NUP160: variants seen among roughly 807,000 people sequenced by gnomAD.
NUP160 encodes the protein nuclear pore complex protein Nup160.
Under a neutral mutation model 196.9 loss-of-function variants are expected in NUP160, and 94 were observed. The ratio of observed to expected loss-of-function variants is 0.48; its 90% CI spans 0.40 to 0.57. The LOEUF is 0.57. Ranked by LOEUF, NUP160 falls within the 20% of genes least tolerant of loss-of-function variation. The pLI is 0.00. For synonymous variants in NUP160, 605 were observed against 619.7 expected (o/e 0.98, Z 0.35); for missense variants, 1,638 against 1,748.3 (o/e 0.94, Z 1.13).
At chr11:47,821,776 G>A in exon 9 of NUP160, 1 of 1,614,064 alleles carries the variant, frequency 6.2e-7, no homozygotes, top group Non-Finnish European at 8.5e-7. Flanking sequence ...TCATGCCACA[G>A]GGCCCAGATA....
At chr11:47,824,248 T>C (rs1016969325) in intron 7 of NUP160, among the ~76,000 whole-genome samples, 3 of 151,740 alleles carry the variant, frequency 2.0e-5, no homozygotes, top group Non-Finnish European at 2.9e-5. Context: ...TTTATTTATT[T>C]ATTCATTCAT....
At chr11:47,836,675 T>C (rs889452306) in intron 6 of NUP160, among the ~76,000 whole-genome samples, 2 of 152,104 alleles carry the variant, frequency 1.3e-5, no homozygotes, top group Non-Finnish European at 2.9e-5. Context: ...AGTGTTCCTG[T>C]TAGGTTGATA....
chr11:47,825,431 C>G (rs949467420), intron 7 of NUP160, among the ~76,000 whole-genome samples: 3 of 150,690 alleles, frequency 2.0e-5, no homozygotes, highest in Non-Finnish European at 4.4e-5. Flanking sequence ...AGGTCCCCAC[C>G]ACCATGCCCA....
chr11:47,785,141 C>G lies in NUP160; in HGVS notation c.3849-78G>C. 1.2e-5 allele frequency: 8 copies of G among 648,904 alleles called. 2 individuals are homozygous for G. 40.2% of individuals were successfully genotyped at this position (648,904 alleles called of 1,614,324 possible). On this transcript the variant is annotated intron_variant, in intron 32 of 35. Coordinates refer to ENST00000378460, the Ensembl canonical transcript of NUP160. Reference sequence around the variant, plus strand: ...GAGTACCATTCAAAGCATGTATTTACAAGGAAAACTTTTTTTTCAGACAGG... The same window carrying G: ...GAGTACCATTCAAAGCATGTATTTAGAAGGAAAACTTTTTTTTCAGACAGG...
chr11:47,806,305 A>T, exon 20 of NUP160: 1 of 1,609,326 alleles, frequency 6.2e-7, no homozygotes, highest in Non-Finnish European at 8.5e-7. Context: ...TAGTCTGAGG[A>T]CTAGATACTT....
At chr11:47,813,362 C>G (rs751100201) in exon 14 of NUP160, 3 of 1,612,174 alleles carry the variant, frequency 1.9e-6, no homozygotes, top group Non-Finnish European at 2.5e-6. Context: ...TCTCATAAGG[C>G]AGGAGATACA....
Position 47,840,424 on chromosome 11 carries a change from G to GT in NUP160, c.478dup (p.Thr160AsnfsTer15). ...GTGTGGTAAAAGTAACCTGTGCACT[G>GT]TTTGATTGGTTAACATCAAGATTAT... On this transcript the variant is annotated frameshift_variant, in exon 3 of 36. Coordinates refer to ENST00000378460, the Ensembl canonical transcript of NUP160. LOFTEE classifies it high-confidence loss of function. 1 of 1,614,124 alleles carries GT rather than the reference G, an allele frequency of 6.2e-7. No homozygotes were observed. Among genetic ancestry groups the GT allele is most frequent in the Non-Finnish European group, 8.5e-7 (1 of 1,180,000 alleles).
At chr11:47,802,895 G>C (rs2097675067) in intron 22 of NUP160, among the ~76,000 whole-genome samples, 2 of 151,994 alleles carry the variant, frequency 1.3e-5, no homozygotes, top group African/African-American at 2.4e-5. Context: ...TGAGGTAGGA[G>C]AATCACTTGA....
chr11:47,818,469 C>T (rs1851781622), intron 10 of NUP160, among the ~76,000 whole-genome samples: 2 of 152,120 alleles, frequency 1.3e-5, no homozygotes, highest in Non-Finnish European at 2.9e-5. Flanking sequence ...CTGGTTTCTA[C>T]ACCATCTATG....
chr11:47,787,925 T>C (rs2097665599), intron 31 of NUP160, among the ~76,000 whole-genome samples: 1 of 152,050 alleles, frequency 6.6e-6, no homozygotes, highest in Admixed American at 6.6e-5. Flanking sequence ...GGTTTCACCT[T>C]GTTAGCCAGG....
intron 14 of NUP160, 46 bp from the exon 15 acceptor site, chr11:47,813,093 A>C: frequency 7.5e-7 from 1 of 1,335,866 alleles, no homozygotes; most frequent in Admixed American, 1.9e-5. Flanking sequence ...GCCAATGACA[A>C]TCTATTGATT....
At chr11:47,806,690 A>G (rs958729198) in intron 19 of NUP160, among the ~76,000 whole-genome samples, 2 of 152,112 alleles carry the variant, frequency 1.3e-5, no homozygotes, top group African/African-American at 2.4e-5. Flanking sequence ...ATACTTTTAA[A>G]TATCTGTTGA....
intron 30 of NUP160, 43 bp from the exon 31 acceptor site, chr11:47,788,348 C>T: frequency 6.2e-7 from 1 of 1,611,426 alleles, no homozygotes; most frequent in Non-Finnish European, 8.5e-7. Context: ...CCAAGGTATA[C>T]ACAAATGAAA....
At chr11:47,786,579 T>G (rs1391362632) in intron 31 of NUP160, 25 bp from the exon 32 acceptor site, 1 of 1,425,398 alleles carries the variant, frequency 7.0e-7, no homozygotes, top group Non-Finnish European at 9.9e-7. Flanking sequence ...GTTCCACACT[T>G]GAAAACTGAA....
chr11:47,792,819 A>G lies in NUP160; in HGVS notation c.3417T>C (p.Tyr1139=), dbSNP rs772225456. The G allele has an allele frequency of 9.3e-6, 15 of 1,614,092 alleles. No individual in the cohort carries two copies. In the South Asian group the frequency reaches 1.6e-4, roughly 18 times the overall value. ...CAGACACTGGCTGCACAATCCACGC[A>G]TATTCTGGACGAATAAGTCGTAAAC... is the stretch of plus-strand genomic sequence containing the variant. The change falls in exon 28 of 36, where the codon TAT becomes TAC. Residue 1139 remains tyrosine (Y), a synonymous_variant. Transcript: ENST00000378460.
chr11:47,793,720 C>CTGTTT lies in NUP160; in HGVS notation c.3290-779_3290-775dup, dbSNP rs1565189691. Among the ~76,000 whole-genome samples, 84 of 50,954 alleles carry CTGTTT rather than the reference C, an allele frequency of 1.6e-3. 15 individuals carry two copies. Among genetic ancestry groups the CTGTTT allele is most frequent in the African/African-American group, 2.6e-3 (33 of 12,790 alleles). 33.4% of individuals were successfully genotyped at this position (50,954 alleles called of 152,430 possible). On this transcript the variant is annotated intron_variant, in intron 27 of 35. Coordinates refer to ENST00000378460, the Ensembl canonical transcript of NUP160. ...AATCATTTAATTATCTGTAAGATAT[C>CTGTTT]TGTTTTTTTTTTTTTTTTTTTTTTT...
chr11:47,827,321 G>A (rs1027281690), intron 7 of NUP160: 5 of 329,198 alleles, frequency 1.5e-5, no homozygotes, highest in South Asian at 6.8e-5. Flanking sequence ...CTGAGATTGC[G>A]CCACTGCACT....
rs376899438 is a variant in NUP160 at position 47,847,969 on chromosome 11, G to C, written c.203-10C>G. ...ACGGCATTTGCAGTCCCTGCAAAAT[G>C]AACGTGGTCAGCCTGCACACGCGTC... On this transcript the variant is annotated splice_polypyrimidine_tract_variant and intron_variant, in intron 1 of 35. Coordinates refer to ENST00000378460, the Ensembl canonical transcript of NUP160. The C allele has an allele frequency of 3.1e-6, 5 of 1,606,906 alleles. No individual in the cohort carries two copies. The African/African-American group carries it at 6.7e-5, about 21-fold the overall frequency.
At chr11:47,834,918 G>A (rs1413252342) in intron 7 of NUP160, among the ~76,000 whole-genome samples, 1 of 152,072 alleles carries the variant, frequency 6.6e-6, no homozygotes, top group African/African-American at 2.4e-5. Context: ...CATTGCATGG[G>A]GGCAGTCTGG....
Sources: gnomAD v4.1 joint callset for allele counts (sites outside exome capture counted in the v4.1 genomes callset) on GRCh38, gnomAD v4.1.1 for gene constraint, MANE v1.5 for transcripts, NCBI Gene and HGNC (gene_info 2026-07-23, HGNC 2026-07-21) for gene names.